LINGO2: variants seen among roughly 807,000 people sequenced by gnomAD.
LINGO2 encodes the protein leucine rich repeat and Ig domain containing 2.
Under a neutral mutation model 30.6 loss-of-function variants are expected in LINGO2, and 14 were observed. That is an observed-to-expected ratio of 0.46 (90% CI 0.30 to 0.72). The LOEUF is 0.72. LINGO2 is among the 30% of genes least tolerant of loss of function. The pLI is 0.07. For missense variants in LINGO2, 729 were observed against 751.7 expected, an observed-to-expected ratio of 0.97 and a Z score of 0.35; for synonymous variants, 317 against 288.5, an observed-to-expected ratio of 1.10 and a Z score of -1.00.
At chr9:28,149,511 CACAG>C in intron 4 of LINGO2, among the ~76,000 whole-genome samples, 1 of 150,870 alleles carries the variant, frequency 6.6e-6, no homozygotes, top group African/African-American at 2.4e-5. Context: ...CCAGCCGCCT[CACAG>C]TCTGGGAAGT....
At chr9:28,890,170 G>T in the LINGO2 span, among the ~76,000 whole-genome samples, 3 of 148,784 alleles carry the variant, frequency 2.0e-5, no homozygotes, top group South Asian at 6.4e-4. Context: ...GGAATTGGCA[G>T]AAATTAACTA....
rs531818060 is a variant in LINGO2, at chr9:28,148,069, T to A, written c.-86-135664A>T. The A allele has an allele frequency of 1.8e-4, 190 of 1,084,434 alleles. 1 individual carries two copies. The African/African-American group carries it at 2.8e-3, about 16-fold the overall frequency. The allele number at this position is 1,084,434 out of a possible 1,614,324, so 67.2% of individuals were successfully genotyped here. ...ATTGGCAACCTGCTCGTCTTGTCCA[T>A]GAGGCCTTCCCAGCTGGCCGGGCTA... On this transcript the variant is annotated intron_variant, in intron 4 of 5. Coordinates refer to ENST00000379992, the Ensembl canonical transcript of LINGO2. This position sits in a 1 kb window ranked among gnomAD's most constrained non-coding sequence, Gnocchi z 5.1.
chr9:28,911,020 G>A, the LINGO2 span, among the ~76,000 whole-genome samples: 2 of 151,970 alleles, frequency 1.3e-5, no homozygotes, highest in Non-Finnish European at 2.9e-5. Flanking sequence ...AATTAAGTCT[G>A]TTTTTGTTTT....
At chr9:28,442,476 T>A in intron 2 of LINGO2, among the ~76,000 whole-genome samples, 1 of 152,182 alleles carries the variant, frequency 6.6e-6, no homozygotes. Flanking sequence ...AATTAAAGAA[T>A]AATAAAATAT....
chr9:28,671,748 T>C (rs113140422), upstream of LINGO2, among the ~76,000 whole-genome samples: 44 of 151,956 alleles, frequency 2.9e-4, 2 homozygotes, highest in African/African-American at 9.9e-4. Context: ...CATTTCCCTA[T>C]ATAACAAACC....
chr9:28,599,445 G>C (rs893234726), intron 1 of LINGO2, among the ~76,000 whole-genome samples: 7 of 152,068 alleles, frequency 4.6e-5, no homozygotes, highest in African/African-American at 1.7e-4. Flanking sequence ...TTTCTACTGT[G>C]TAAAAATTGT....
the LINGO2 span, among the ~76,000 whole-genome samples, chr9:28,889,662 C>G: frequency 6.6e-6 from 1 of 151,988 alleles, no homozygotes; most frequent in Admixed American, 6.6e-5. Context: ...CCAGCCAACA[C>G]ATAAATTATT....
the LINGO2 span, among the ~76,000 whole-genome samples, chr9:29,046,218 A>G: frequency 1.3e-5 from 2 of 152,178 alleles, no homozygotes; most frequent in Non-Finnish European, 1.5e-5. Flanking sequence ...CTGGTTTTCA[A>G]GGGAACTGCT....
At chr9:28,702,717 T>A in the LINGO2 span, among the ~76,000 whole-genome samples, 1 of 151,928 alleles carries the variant, frequency 6.6e-6, no homozygotes. Context: ...TTTGTAATAA[T>A]TCTTCAATAA....
At chr9:28,700,265 G>T in the LINGO2 span, among the ~76,000 whole-genome samples, 1 of 151,942 alleles carries the variant, frequency 6.6e-6, no homozygotes, top group African/African-American at 2.4e-5. Flanking sequence ...AATACTGGGG[G>T]CAGGTTCCCC....
intron 4 of LINGO2, among the ~76,000 whole-genome samples, chr9:28,212,456 A>G (rs544647002): frequency 6.6e-6 from 1 of 151,558 alleles, no homozygotes; most frequent in Non-Finnish European, 1.5e-5. Flanking sequence ...CCTTCTTTTG[A>G]TAAAACTGGT....
chr9:29,210,933 C>T, the LINGO2 span, among the ~76,000 whole-genome samples: 1 of 152,086 alleles, frequency 6.6e-6, no homozygotes, highest in East Asian at 1.9e-4. Context: ...TGACAGAACC[C>T]TAAAGAACAT....
At chr9:28,532,588 T>G (rs1821275965) in intron 1 of LINGO2, among the ~76,000 whole-genome samples, 1 of 152,154 alleles carries the variant, frequency 6.6e-6, no homozygotes, top group Non-Finnish European at 1.5e-5. Context: ...TATCATATAC[T>G]TATTCATTTG....
At chr9:28,731,844 G>A in the LINGO2 span, among the ~76,000 whole-genome samples, 13 of 152,080 alleles carry the variant, frequency 8.5e-5, no homozygotes, top group Admixed American at 7.2e-4. Flanking sequence ...CTTGGGGGAT[G>A]CTGGGAAAAG....
At chr9:28,269,434 T>C (rs1377450015) in intron 4 of LINGO2, among the ~76,000 whole-genome samples, 1 of 152,132 alleles carries the variant, frequency 6.6e-6, no homozygotes, top group African/African-American at 2.4e-5. Flanking sequence ...ATAAACTAAA[T>C]CTGTTTTAAT....
At chr9:29,108,610 T>C in the LINGO2 span, among the ~76,000 whole-genome samples, 2 of 152,340 alleles carry the variant, frequency 1.3e-5, no homozygotes, top group East Asian at 3.9e-4. Context: ...CTTTGGTAAA[T>C]ATTCAAATTA....
the LINGO2 span, among the ~76,000 whole-genome samples, chr9:28,869,696 G>A: frequency 1.3e-5 from 2 of 151,982 alleles, no homozygotes; most frequent in African/African-American, 2.4e-5. Context: ...CACAGATCAA[G>A]AGGTGATCAA....
At chr9:27,987,934 T>C (rs1362975954) in intron 5 of LINGO2, among the ~76,000 whole-genome samples, 1 of 152,076 alleles carries the variant, frequency 6.6e-6, no homozygotes, top group Non-Finnish European at 1.5e-5. Flanking sequence ...TAATGTGCCA[T>C]GTTGGCGTGC....
At chr9:28,193,957 G>T (rs1819917889) in intron 4 of LINGO2, among the ~76,000 whole-genome samples, 1 of 152,162 alleles carries the variant, frequency 6.6e-6, no homozygotes, top group Non-Finnish European at 1.5e-5. Flanking sequence ...GCCCCAGAGT[G>T]AGCAGTCAAA....
Sources: gnomAD v4.1 joint callset for allele counts (sites outside exome capture counted in the v4.1 genomes callset) on GRCh38, gnomAD v4.1.1 for gene constraint, Gnocchi (gnomAD v3.1) non-coding constraint, MANE v1.5 for transcripts, NCBI Gene and HGNC (gene_info 2026-07-23, HGNC 2026-07-21) for gene names.